The following NFKB1 variants were observed in gnomAD, a reference collection of about 807,000 sequenced individuals.
NFKB1 encodes nuclear factor kappa B subunit 1, also known as nuclear factor NF-kappa-B p105 subunit.
In NFKB1, 9 loss-of-function variants were observed where a neutral mutation model predicts 105.1. The observed-to-expected ratio is 0.09, with a 90% CI of 0.05 to 0.15. The LOEUF (loss-of-function observed/expected upper bound fraction) is 0.15. NFKB1 is among the 10% of genes least tolerant of loss of function. The probability of loss-of-function intolerance (pLI) is 1.00; values close to 1 mark genes in which losing one functional copy is unlikely to be tolerated. For synonymous variants in NFKB1, 440 were observed against 442.2 expected, an observed-to-expected ratio of 1.00 and a Z score of 0.06; for missense variants, 830 against 1,203.7, an observed-to-expected ratio of 0.69 and a Z score of 4.59.
intron 5 of NFKB1, among the ~76,000 whole-genome samples, chr4:102,552,640 A>G (rs1218684401): frequency 6.6e-6 from 1 of 152,216 alleles, no homozygotes; most frequent in Non-Finnish European, 1.5e-5. Flanking sequence ...TTTCTGACAG[A>G]TCCCCCAAAA....
chr4:102,523,468 G>A (rs1740697576), intron 1 of NFKB1, among the ~76,000 whole-genome samples: 1 of 152,158 alleles, frequency 6.6e-6, no homozygotes, highest in Non-Finnish European at 1.5e-5. Flanking sequence ...CAGCAGGAGA[G>A]GATTTCTTTG....
chr4:102,613,345 A>T, intron 22 of NFKB1, 80 bp from the exon 23 acceptor site: 2 of 1,455,002 alleles, frequency 1.4e-6, no homozygotes, highest in African/African-American at 1.4e-5. Flanking sequence ...TGGAAGAGGG[A>T]AGGGTGGGCT....
chr4:102,577,751 C>T (rs1343455038), intron 7 of NFKB1: 87 of 890,388 alleles, frequency 9.8e-5, no homozygotes, highest in Non-Finnish European at 1.1e-4. Context: ...TCACTGACTC[C>T]CCCTCCTCGC....
At chr4:102,598,275 C>A (rs909781784) in intron 15 of NFKB1, among the ~76,000 whole-genome samples, 3 of 152,154 alleles carry the variant, frequency 2.0e-5, no homozygotes, top group African/African-American at 7.2e-5. Flanking sequence ...AGCCACCTGG[C>A]TTCTTTCTAA....
intron 1 of NFKB1, among the ~76,000 whole-genome samples, chr4:102,512,997 A>G (rs1423549703): frequency 1.3e-5 from 2 of 152,272 alleles, no homozygotes; most frequent in African/African-American, 4.8e-5. Flanking sequence ...TCTAATTCAT[A>G]ATGCATGAGG....
chr4:102,533,203 C>T (rs1741411431), intron 3 of NFKB1, among the ~76,000 whole-genome samples: 1 of 151,902 alleles, frequency 6.6e-6, no homozygotes, highest in African/African-American at 2.4e-5. Flanking sequence ...GTCTGATAGA[C>T]CAGATTACAT....
At chr4:102,596,479 ATGT>A in intron 14 of NFKB1, 147 bp downstream of exon 14, 1 of 565,954 alleles carries the variant, frequency 1.8e-6, no homozygotes, top group Non-Finnish European at 2.7e-6. Flanking sequence ...GGAAAAGCAT[ATGT>A]CAGATCATTT....
chr4:102,612,609 A>G lies in NFKB1; in HGVS notation c.2592+3A>G. On this transcript the variant is annotated splice_donor_region_variant and intron_variant, in intron 22 of 23. Coordinates refer to ENST00000226574, the MANE Select transcript of NFKB1 (RefSeq NM_003998.4). Reference sequence around the variant, plus strand: ...AAACACTTATGGACAACTATGAGGTAACACCTTACCTTACAGATTTAGCAA... The same window carrying G: ...AAACACTTATGGACAACTATGAGGTGACACCTTACCTTACAGATTTAGCAA... 2 of 1,612,810 alleles carry G rather than the reference A, an allele frequency of 1.2e-6. No individual in the cohort carries two copies. The highest frequency in any genetic ancestry group is 1.3e-5 in the African/African-American group (1 of 75,010).
chr4:102,583,548 G>A (rs1725477869), intron 10 of NFKB1, among the ~76,000 whole-genome samples: 1 of 152,210 alleles, frequency 6.6e-6, no homozygotes, highest in South Asian at 2.1e-4. Flanking sequence ...ATGTTTTTAA[G>A]TGTTCTACCA....
At chr4:102,537,802 C>A in intron 4 of NFKB1, 56 bp from the exon 5 acceptor site, 1 of 1,058,006 alleles carries the variant, frequency 9.5e-7, no homozygotes, top group Non-Finnish European at 1.4e-6. Context: ...CCTTTGTTGC[C>A]GTAATTTTTA....
chr4:102,505,029 G>T (rs568867614), intron 1 of NFKB1, among the ~76,000 whole-genome samples: 1 of 152,312 alleles, frequency 6.6e-6, no homozygotes, highest in East Asian at 1.9e-4. Flanking sequence ...GAAAAAAGTA[G>T]TAACATTCTT....
intron 1 of NFKB1, among the ~76,000 whole-genome samples, chr4:102,522,443 A>G (rs1254003208): frequency 2.0e-5 from 3 of 152,216 alleles, no homozygotes; most frequent in Admixed American, 1.3e-4. Flanking sequence ...GAATTGGTGT[A>G]TAAATCATGG....
chr4:102,583,148 C>T lies in NFKB1; in HGVS notation c.927+191C>T, dbSNP rs1005819. ...GCATGCTACCATGCCCAGCTAGTTT[C>T]TTCAGTTTTATTTTTTTTGTAGAGA... is the stretch of plus-strand genomic sequence containing the variant. On this transcript the variant is annotated intron_variant, in intron 10 of 23. Transcript: ENST00000226574. Among the ~76,000 whole-genome samples, 62,482 of 151,722 alleles carry T rather than the reference C, an allele frequency of 0.41. 13,044 individuals carry two copies. Among genetic ancestry groups the T allele is most frequent in the Admixed American group, 0.48 (7,376 of 15,244 alleles).
chr4:102,508,535 T>A (rs963827949), intron 1 of NFKB1, among the ~76,000 whole-genome samples: 3 of 152,160 alleles, frequency 2.0e-5, no homozygotes, highest in African/African-American at 4.8e-5. Flanking sequence ...AAAAAATTTT[T>A]AGTGTGTTCA....
At chr4:102,563,479 A>C (rs779086670) in intron 5 of NFKB1, among the ~76,000 whole-genome samples, 4 of 152,204 alleles carry the variant, frequency 2.6e-5, no homozygotes, top group Admixed American at 6.5e-5. Context: ...CATATTGTTT[A>C]AAGTTCTCTA....
chr4:102,607,262 A>C lies in NFKB1; in HGVS notation c.2067A>C (p.Ala689=). 6.2e-7 allele frequency: 1 copy of C among 1,614,230 alleles called. No individual in the cohort carries two copies. The highest frequency in any genetic ancestry group is 8.5e-7 in the Non-Finnish European group (1 of 1,180,034). Residue 689 remains alanine, a synonymous_variant, in exon 18 of 24, where the codon GCA becomes GCC. Coordinates refer to ENST00000226574, the MANE Select transcript of NFKB1 (RefSeq NM_003998.4). The stretch of plus-strand genomic sequence containing the variant: ...AGGAGCAGAAGTCCGGGCGCACAGC[A>C]CTGCACCTGGCTGTGGAGCACGACA... The part of the protein sequence containing the change: ...NAQEQKSGRT[A]LHLAVEHDNI...
chr4:102,606,552 G>A lies in NFKB1; in HGVS notation c.1809G>A (p.Leu603=). The A allele has an allele frequency of 6.2e-7, 1 of 1,614,176 alleles. No homozygotes were observed. Among genetic ancestry groups the A allele is most frequent in the Non-Finnish European group, 8.5e-7 (1 of 1,180,022 alleles). Residue 603 remains leucine, a synonymous_variant, in exon 17 of 24, where the codon CTG becomes CTA. Transcript: ENST00000226574. Reference sequence around the variant, plus strand: ...AGGAAGATGTGGTGGAGGATTTGCTGAGGGCTGGGGCCGACCTGAGCCTTC... The same window carrying A: ...AGGAAGATGTGGTGGAGGATTTGCTAAGGGCTGGGGCCGACCTGAGCCTTC... ...TKQEDVVEDL[L]RAGADLSLLD...
At chr4:102,603,622 C>T (rs1409482405) in intron 16 of NFKB1, among the ~76,000 whole-genome samples, 1 of 152,152 alleles carries the variant, frequency 6.6e-6, no homozygotes, top group Non-Finnish European at 1.5e-5. Flanking sequence ...CACCCAATGG[C>T]AACTTTGATT....
chr4:102,568,840 G>T (rs543348208), intron 6 of NFKB1, among the ~76,000 whole-genome samples: 2 of 152,128 alleles, frequency 1.3e-5, no homozygotes, highest in Admixed American at 1.3e-4. Context: ...GGGCTCAGTA[G>T]TTGGGAGAAC....
Sources: gnomAD v4.1 joint callset for allele counts (sites outside exome capture counted in the v4.1 genomes callset) on GRCh38, gnomAD v4.1.1 for gene constraint, MANE v1.5 for transcripts, NCBI Gene and HGNC (gene_info 2026-07-23, HGNC 2026-07-21) for gene names.